Variants in GRM5 observed in about 807,000 individuals in gnomAD.
GRM5 encodes the protein metabotropic glutamate receptor 5.
GRM5 carries 19 observed loss-of-function variants against 83.1 expected under a neutral mutation model. That is an observed-to-expected ratio of 0.23 (90% CI 0.16 to 0.34). The LOEUF (loss-of-function observed/expected upper bound fraction) is 0.34. Among genes scored for constraint, GRM5 ranks in the 10% least tolerant of loss-of-function variants. GRM5 has a pLI of 1.00. For missense variants in GRM5, 1,160 were observed against 1,588.3 expected (o/e 0.73, Z 4.58); for synonymous variants, 675 against 633.6 (o/e 1.07, Z -0.98).
chr11:88,747,172 T>A (rs1266487141), intron 3 of GRM5, among the ~76,000 whole-genome samples: 1 of 152,174 alleles, frequency 6.6e-6, no homozygotes, highest in Non-Finnish European at 1.5e-5. Flanking sequence ...CATTTTCTGG[T>A]AGTGACGAGT....
intron 3 of GRM5, among the ~76,000 whole-genome samples, chr11:88,803,926 C>A (rs1943449003): frequency 2.0e-5 from 3 of 152,162 alleles, no homozygotes; most frequent in Admixed American, 2.0e-4. Flanking sequence ...CCAAAAACCA[C>A]ATGAAAAAAT....
chr11:88,973,464 C>T lies in GRM5; in HGVS notation c.661+73748G>A, dbSNP rs529920030. 3.7e-3 allele frequency among the ~76,000 whole-genome samples: 563 copies of T among 152,020 alleles called. 12 individuals are homozygous for T. The highest frequency in any genetic ancestry group is 0.032 in the Admixed American group (489 of 15,246). On this transcript the variant is annotated intron_variant, in intron 2 of 9. Coordinates refer to ENST00000305447, the MANE Select transcript of GRM5 (RefSeq NM_001143831.3). ...GTGCTCTTATCAGAGAGAGGCAAGG[C>T]GATACTTAATCCAGACAGAAGAGGA...
In GRM5 at chr11:88,567,843, T is replaced by C; in HGVS notation, c.1840A>G (p.Ser614Gly). ...YRDTPVVKSS[S>G]RELCYIILAG... ...AGGATAATGTAGCAGAGTTCCCTGC[T>C]TGAGGACTTGACTACTGGTGTATCA... The change falls in exon 8 of 10, where the codon AGC becomes GGC. Residue 614 changes from serine to glycine, a missense_variant. This residue lies in a region of GRM5 where 132 missense variants were observed against 245.5 expected (regional missense o/e 0.54). Coordinates refer to ENST00000305447, the MANE Select transcript of GRM5 (RefSeq NM_001143831.3). This position sits in a 1 kb window ranked among gnomAD's most constrained non-coding sequence, Gnocchi z 7.3. 1 of 1,614,094 alleles carries C rather than the reference T, an allele frequency of 6.2e-7. No individual in the cohort carries two copies. The highest frequency in any genetic ancestry group is 8.5e-7 in the Non-Finnish European group (1 of 1,179,942).
intron 7 of GRM5, among the ~76,000 whole-genome samples, chr11:88,583,412 C>T (rs550518857): frequency 2.6e-5 from 4 of 152,328 alleles, no homozygotes; most frequent in Non-Finnish European, 1.5e-5. Flanking sequence ...GCTGTTGATA[C>T]ATATTGCCTT....
chr11:88,690,898 G>A (rs1243179835), intron 3 of GRM5, among the ~76,000 whole-genome samples: 1 of 152,184 alleles, frequency 6.6e-6, no homozygotes, highest in Non-Finnish European at 1.5e-5. Context: ...TTTCTGCTCA[G>A]TGGTTTTGTT....
At chr11:88,831,577 A>G (rs1315521844) in intron 3 of GRM5, among the ~76,000 whole-genome samples, 1 of 152,134 alleles carries the variant, frequency 6.6e-6, no homozygotes, top group African/African-American at 2.4e-5. Context: ...TCCCTCACCC[A>G]GTGCCTGAAC....
intron 2 of GRM5, among the ~76,000 whole-genome samples, chr11:88,859,283 C>G (rs1944524501): frequency 6.6e-6 from 1 of 151,940 alleles, no homozygotes; most frequent in Non-Finnish European, 1.5e-5. Context: ...AGAAGAGAAT[C>G]TGGAAACTCA....
intron 3 of GRM5, among the ~76,000 whole-genome samples, chr11:88,674,208 T>C (rs1026518183): frequency 6.6e-6 from 1 of 151,916 alleles, no homozygotes; most frequent in Non-Finnish European, 1.5e-5. Flanking sequence ...CCATGGCTTC[T>C]ATAGTAACAA....
At chr11:89,033,262 A>G (rs1388065545) in intron 2 of GRM5, among the ~76,000 whole-genome samples, 1 of 151,952 alleles carries the variant, frequency 6.6e-6, no homozygotes, top group Non-Finnish European at 1.5e-5. Context: ...AGGTCATCCC[A>G]AAGTGGAAAA....
chr11:88,664,252 A>T (rs944596300), intron 3 of GRM5, among the ~76,000 whole-genome samples: 39 of 152,044 alleles, frequency 2.6e-4, no homozygotes, highest in African/African-American at 8.9e-4. Context: ...ATATTCTGCT[A>T]AATATTATAT....
chr11:88,666,618 C>T (rs181298574), intron 3 of GRM5, among the ~76,000 whole-genome samples: 1 of 152,292 alleles, frequency 6.6e-6, no homozygotes, highest in Non-Finnish European at 1.5e-5. Context: ...AACAAACAAA[C>T]CATTGCAGAT....
rs535294161 is a variant in GRM5 at position 88,934,643 on chromosome 11, T to C, written c.662-84488A>G. Among the ~76,000 whole-genome samples, 8 of 152,050 alleles carry C rather than the reference T, an allele frequency of 5.3e-5. No individual in the cohort carries two copies. The South Asian group carries it at 1.7e-3, about 32-fold the overall frequency. On this transcript the variant is annotated intron_variant, in intron 2 of 9. Coordinates refer to ENST00000305447, the MANE Select transcript of GRM5 (RefSeq NM_001143831.3). Reference sequence around the variant, plus strand: ...AGATAACATCCTCAATCACATTAACTTAATGATTTTATTTGAATTTTATTT... The same window carrying C: ...AGATAACATCCTCAATCACATTAACCTAATGATTTTATTTGAATTTTATTT...
At chr11:88,977,530 A>C (rs565350764) in intron 2 of GRM5, among the ~76,000 whole-genome samples, 1 of 152,346 alleles carries the variant, frequency 6.6e-6, no homozygotes, top group South Asian at 2.1e-4. Flanking sequence ...CATTAACAAA[A>C]ATAAAGTTCC....
chr11:89,015,310 A>C (rs1940823638), intron 2 of GRM5, among the ~76,000 whole-genome samples: 1 of 152,190 alleles, frequency 6.6e-6, no homozygotes. Flanking sequence ...ATAGGCAGAC[A>C]CTTCACTACT....
At chr11:88,670,625 G>C (rs1467163801) in intron 3 of GRM5, among the ~76,000 whole-genome samples, 1 of 151,928 alleles carries the variant, frequency 6.6e-6, no homozygotes, top group Non-Finnish European at 1.5e-5. Context: ...AAATCCTATA[G>C]AAAAGTAAGT....
intron 3 of GRM5, among the ~76,000 whole-genome samples, chr11:88,771,457 A>G (rs1050648253): frequency 6.6e-6 from 1 of 152,140 alleles, no homozygotes; most frequent in Non-Finnish European, 1.5e-5. Flanking sequence ...CAAAGGCTGA[A>G]AAACCTGGAG....
chr11:88,751,281 T>G (rs1308132759), intron 3 of GRM5, among the ~76,000 whole-genome samples: 2 of 151,976 alleles, frequency 1.3e-5, no homozygotes, highest in Non-Finnish European at 2.9e-5. Flanking sequence ...ATATTACCAC[T>G]TACCCCATAG....
intron 3 of GRM5, among the ~76,000 whole-genome samples, chr11:88,740,594 A>T (rs980860445): frequency 2.6e-5 from 4 of 152,196 alleles, no homozygotes; most frequent in African/African-American, 7.2e-5. Flanking sequence ...ACCTTCCCAC[A>T]TTACTCCACC....
intron 3 of GRM5, among the ~76,000 whole-genome samples, chr11:88,719,744 A>G (rs1341937361): frequency 6.6e-6 from 1 of 152,008 alleles, no homozygotes; most frequent in Non-Finnish European, 1.5e-5. Flanking sequence ...CTTGACTTTA[A>G]TAATAACCAT....
Sources: gnomAD v4.1 joint callset for allele counts (sites outside exome capture counted in the v4.1 genomes callset) on GRCh38, gnomAD v4.1.1 for gene constraint, gnomAD v4.1.1 regional missense constraint, Gnocchi (gnomAD v3.1) non-coding constraint, MANE v1.5 for transcripts, NCBI Gene and HGNC (gene_info 2026-07-23, HGNC 2026-07-21) for gene names.